Variants in UROS observed in about 807,000 individuals in gnomAD.
The protein encoded by UROS is uroporphyrinogen-III synthase.
Under a neutral mutation model 33.0 loss-of-function variants are expected in UROS, and 18 were observed. The observed-to-expected ratio is 0.55, with a 90% CI of 0.38 to 0.81. The LOEUF is 0.81. Ranked by LOEUF, UROS falls within the 30% of genes least tolerant of loss-of-function variation. The pLI is 0.00. For synonymous variants in UROS, 114 were observed against 121.1 expected, an observed-to-expected ratio of 0.94 and a Z score of 0.38; for missense variants, 293 against 314.9, an observed-to-expected ratio of 0.93 and a Z score of 0.53.
At chr10:125,797,920 G>A (rs1436450924) in intron 7 of UROS, 145 bp downstream of exon 7, 2 of 869,352 alleles carry the variant, frequency 2.3e-6, no homozygotes, top group Non-Finnish European at 3.8e-6. Flanking sequence ...CCATGAGCAT[G>A]GTCTCTGTGT....
chr10:125,795,361 A>G (rs1382449892), intron 8 of UROS: 3 of 302,582 alleles, frequency 9.9e-6, no homozygotes, highest in Non-Finnish European at 1.9e-5. Flanking sequence ...CTCCCTCTGG[A>G]AGCAGAGCAA....
In UROS at chr10:125,798,153, T is replaced by G; in HGVS notation, c.395-8A>C. Reference sequence around the variant, plus strand: ...GCAGTGCTGAGGACTCCCCTGTGAATAAATAACCAGGCTTTGTGAAAACTC... The same window carrying G: ...GCAGTGCTGAGGACTCCCCTGTGAAGAAATAACCAGGCTTTGTGAAAACTC... On this transcript the variant is annotated splice_polypyrimidine_tract_variant and splice_region_variant and intron_variant, in intron 6 of 9. Coordinates refer to ENST00000368797, the MANE Select transcript of UROS (RefSeq NM_000375.3). 1 of 1,613,570 alleles carries G rather than the reference T, an allele frequency of 6.2e-7. No homozygotes were observed. Among genetic ancestry groups the G allele is most frequent in the Non-Finnish European group, 8.5e-7 (1 of 1,179,558 alleles).
Position 125,807,505 on chromosome 10 carries a change from A to C in UROS, c.320-18T>G. ...TTTACTCACTGGAAAACCACAAAGA[A>C]ATGTATTTCTTAACACGGTTATTGA... On this transcript the variant is annotated intron_variant, in intron 5 of 9. Transcript: ENST00000368797. 1 of 1,604,410 alleles carries C rather than the reference A, an allele frequency of 6.2e-7. No individual in the cohort carries two copies. Among genetic ancestry groups the C allele is most frequent in the East Asian group, 2.2e-5 (1 of 44,818 alleles).
At chr10:125,802,561 AC>A in intron 6 of UROS, 1 of 1,010,080 alleles carries the variant, frequency 9.9e-7, no homozygotes. Flanking sequence ...TTCCGAGAAC[AC>A]CATGTGGCAC....
At chr10:125,800,569 T>C (rs543653672) in intron 6 of UROS, among the ~76,000 whole-genome samples, 39 of 150,104 alleles carry the variant, frequency 2.6e-4, no homozygotes, top group South Asian at 1.7e-3. Flanking sequence ...TTCTTTCTTT[T>C]TTTTTTTTTT....
rs117348612 is a variant in UROS at position 125,811,418 on chromosome 10, C to G, written c.319+796G>C. Among the ~76,000 whole-genome samples, 285 of 152,068 alleles carry G rather than the reference C, an allele frequency of 1.9e-3. 1 individual carries two copies. Among genetic ancestry groups the G allele is most frequent in the Middle Eastern group, 3.4e-3 (1 of 294 alleles). ...GAGGGAAGATGGTTTCCTTGGCAACCAAGCCACTAATTCCCTTTCCCTGGC... is the reference window on the plus strand; with the variant it reads ...GAGGGAAGATGGTTTCCTTGGCAACGAAGCCACTAATTCCCTTTCCCTGGC... On this transcript the variant is annotated intron_variant, in intron 5 of 9. Transcript: ENST00000368797.
At chr10:125,788,364 T>A (rs1167677525), downstream of UROS, among the ~76,000 whole-genome samples, 1 of 152,222 alleles carries the variant, frequency 6.6e-6, no homozygotes, top group Non-Finnish European at 1.5e-5. Flanking sequence ...CAGCTGCATC[T>A]TTGAGGGAAA....
At position 125,788,760 on chromosome 10, in the gene UROS, G is replaced by A; in HGVS notation, c.*108C>T. 1 of 1,472,624 alleles carries A rather than the reference G, an allele frequency of 6.8e-7. No homozygotes were observed. Among genetic ancestry groups the A allele is most frequent in the Non-Finnish European group, 9.0e-7 (1 of 1,112,566 alleles). The allele number at this position is 1,472,624 out of a possible 1,614,324, so 91.2% of individuals were successfully genotyped here. On this transcript the variant is annotated 3_prime_UTR_variant, in exon 10 of 10. Coordinates refer to ENST00000368797, the MANE Select transcript of UROS (RefSeq NM_000375.3). ...TCAGGTGCTTCCACTCAGGCTTGAG[G>A]CAGGAGTCTGACGGCAGCAGCTCCC... is the stretch of plus-strand genomic sequence containing the variant.
intron 6 of UROS, chr10:125,802,345 C>A (rs1483990617): frequency 4.1e-6 from 4 of 985,808 alleles, no homozygotes; most frequent in African/African-American, 3.5e-5. Flanking sequence ...TTCCCTGCAG[C>A]TATTTCAACA....
chr10:125,797,567 G>A (rs891429587), intron 7 of UROS, among the ~76,000 whole-genome samples: 4 of 152,174 alleles, frequency 2.6e-5, no homozygotes, highest in Non-Finnish European at 4.4e-5. Flanking sequence ...CATCTGCATC[G>A]AGGACGGCAG....
intron 7 of UROS, 50 bp downstream of exon 7, chr10:125,798,015 C>G (rs1851510895): frequency 6.2e-7 from 1 of 1,604,802 alleles, no homozygotes; most frequent in Admixed American, 1.7e-5. Context: ...TGCAAAGGCT[C>G]CTGGTGGATC....
Position 125,788,665 on chromosome 10 carries a change from C to T in UROS, c.*203G>A. 1.4e-6 allele frequency: 2 copies of T among 1,427,778 alleles called. No homozygotes were observed. Among genetic ancestry groups the T allele is most frequent in the Non-Finnish European group, 1.8e-6 (2 of 1,095,090 alleles). 88.4% of individuals were successfully genotyped at this position (1,427,778 alleles called of 1,614,324 possible). On this transcript the variant is annotated 3_prime_UTR_variant, in exon 10 of 10. Transcript: ENST00000368797. Reference sequence around the variant, plus strand: ...CTCACAGGGCTAGGGTTTAAGCTGGCTTCCACAGAGGGCAGTCACGTGCAC... The same window carrying T: ...CTCACAGGGCTAGGGTTTAAGCTGGTTTCCACAGAGGGCAGTCACGTGCAC...
Position 125,816,183 on chromosome 10 carries a change from A to T in UROS, c.141T>A (p.Ser47=). 1.2e-6 allele frequency: 2 copies of T among 1,614,176 alleles called. No individual in the cohort carries two copies. The highest frequency in any genetic ancestry group is 1.7e-6 in the Non-Finnish European group (2 of 1,179,976). Residue 47 remains serine (S), a synonymous_variant, in exon 3 of 10, where the codon TCT becomes TCA. Coordinates refer to ENST00000368797, the MANE Select transcript of UROS (RefSeq NM_000375.3). ...CAGTCACAACAGGCCTTACCTTCTC[A>T]GAGAAACTGGGAAGAGACAAAAACT... ...SFEFLSLPSF[S]EKLSHPEDYG...
At chr10:125,797,991 C>T (rs773718637) in intron 7 of UROS, 74 bp downstream of exon 7, 116 of 1,562,448 alleles carry the variant, frequency 7.4e-5, no homozygotes, top group Non-Finnish European at 9.3e-5. Flanking sequence ...TGCAGGGCCA[C>T]CCACTTCTAT....
At chr10:125,817,513 A>T (rs1482452407) in intron 1 of UROS, among the ~76,000 whole-genome samples, 1 of 152,034 alleles carries the variant, frequency 6.6e-6, no homozygotes, top group Non-Finnish European at 1.5e-5. Flanking sequence ...CTCTGGTCTC[A>T]GCTTTATGAC....
chr10:125,795,975 G>A (rs1012499262), intron 8 of UROS, 128 bp downstream of exon 8: 5 of 835,882 alleles, frequency 6.0e-6, no homozygotes, highest in Admixed American at 3.4e-5. Context: ...ACAGGAAAAG[G>A]CATGCAGGTG....
At chr10:125,787,603 G>A (rs1025382259), downstream of UROS, among the ~76,000 whole-genome samples, 9 of 152,156 alleles carry the variant, frequency 5.9e-5, no homozygotes, top group Non-Finnish European at 1.3e-4. Context: ...AGCACATTAC[G>A]TGGTTCTGAT....
intron 9 of UROS, among the ~76,000 whole-genome samples, chr10:125,790,889 A>C (rs1201743171): frequency 6.7e-6 from 1 of 150,094 alleles, no homozygotes; most frequent in Admixed American, 6.6e-5. Context: ...TCAGGAGTTC[A>C]AGACCAGCCT....
At chr10:125,807,251 C>T in intron 6 of UROS, 162 bp downstream of exon 6, 1 of 687,056 alleles carries the variant, frequency 1.5e-6, no homozygotes, top group Non-Finnish European at 2.6e-6. Context: ...TATAGACATA[C>T]ACAAATACAA....
Sources: gnomAD v4.1 joint callset for allele counts (sites outside exome capture counted in the v4.1 genomes callset) on GRCh38, gnomAD v4.1.1 for gene constraint, MANE v1.5 for transcripts, NCBI Gene and HGNC (gene_info 2026-07-23, HGNC 2026-07-21) for gene names.